Variants in KCNH1 observed in about 807,000 individuals in gnomAD.
The protein encoded by KCNH1 is voltage-gated delayed rectifier potassium channel KCNH1.
Under a neutral mutation model 69.2 loss-of-function variants are expected in KCNH1, and 27 were observed. The observed-to-expected ratio is 0.39, with a 90% CI of 0.29 to 0.54. The LOEUF (loss-of-function observed/expected upper bound fraction) is 0.54. Ranked by LOEUF, KCNH1 falls within the 20% of genes least tolerant of loss-of-function variation. The pLI is 0.68. For synonymous variants in KCNH1, 456 were observed against 487.7 expected (o/e 0.93, Z 0.86); for missense variants, 798 against 1,261.6 (o/e 0.63, Z 5.57).
intron 5 of KCNH1, among the ~76,000 whole-genome samples, chr1:211,059,648 C>A (rs1383714361): frequency 6.6e-6 from 1 of 151,870 alleles, no homozygotes; most frequent in Non-Finnish European, 1.5e-5. Context: ...GAGGCTGAGG[C>A]AGGAGAATGG....
At chr1:210,717,259 C>T (rs1682280330) in intron 10 of KCNH1, among the ~76,000 whole-genome samples, 1 of 152,168 alleles carries the variant, frequency 6.6e-6, no homozygotes, top group Non-Finnish European at 1.5e-5. Flanking sequence ...GGGCTGAAAG[C>T]ATATAACTGA....
chr1:211,002,168 G>A (rs762834307), intron 6 of KCNH1, among the ~76,000 whole-genome samples: 14 of 151,698 alleles, frequency 9.2e-5, no homozygotes, highest in African/African-American at 1.9e-4. Flanking sequence ...TGCACGTTGC[G>A]CACATGTACC....
intron 1 of KCNH1, among the ~76,000 whole-genome samples, chr1:211,109,058 T>G (rs1341100682): frequency 6.6e-6 from 1 of 152,254 alleles, no homozygotes; most frequent in African/African-American, 2.4e-5. Context: ...GAACTTGCTC[T>G]AGTCTAAAAG....
At chr1:210,832,604 G>C (rs115374684) in intron 7 of KCNH1, among the ~76,000 whole-genome samples, 5 of 151,778 alleles carry the variant, frequency 3.3e-5, no homozygotes, top group African/African-American at 9.7e-5. Flanking sequence ...GATAACAAAA[G>C]GTAACCTCAA....
chr1:210,796,032 G>A (rs12122869), intron 9 of KCNH1, among the ~76,000 whole-genome samples: 25,413 of 150,820 alleles, frequency 0.17, 2,264 homozygotes, highest in African/African-American at 0.22. Context: ...GTGGGTGCAT[G>A]TAGTCCCAGC....
chr1:210,828,015 G>A (rs11585285), intron 7 of KCNH1, among the ~76,000 whole-genome samples: 1 of 152,020 alleles, frequency 6.6e-6, no homozygotes, highest in African/African-American at 2.4e-5. Context: ...GCTAATTTTT[G>A]TATTTTTATT....
intron 10 of KCNH1, among the ~76,000 whole-genome samples, chr1:210,709,313 G>A (rs962742111): frequency 6.6e-6 from 1 of 152,212 alleles, no homozygotes; most frequent in African/African-American, 2.4e-5. Context: ...GATGAAGGCA[G>A]AGATTGGGGT....
chr1:210,733,411 A>G (rs1558445688), intron 10 of KCNH1, among the ~76,000 whole-genome samples: 1 of 152,162 alleles, frequency 6.6e-6, no homozygotes, highest in Non-Finnish European at 1.5e-5. Flanking sequence ...TAGGAATTCT[A>G]AGCCCCCAGG....
In KCNH1 at chr1:210,810,874, G is replaced by T. The variant is rs567446044; in HGVS notation, c.1463-6708C>A. Among the ~76,000 whole-genome samples the T allele has an allele frequency of 6.2e-4, 94 of 152,136 alleles. 1 individual carries two copies. The highest frequency in any genetic ancestry group is 2.1e-3 in the African/African-American group (86 of 41,506). ...GATATCCACTCGTATTTAAGAGTGG[G>T]GCCCTAGAAAACTGATTAAAAGCTT... On this transcript the variant is annotated intron_variant, in intron 7 of 10. Transcript: ENST00000271751.
At chr1:210,698,517 A>G (rs1681696225) in intron 10 of KCNH1, among the ~76,000 whole-genome samples, 1 of 152,254 alleles carries the variant, frequency 6.6e-6, no homozygotes, top group South Asian at 2.1e-4. Context: ...GGAAGGTAAC[A>G]TGAAATAAGA....
rs559063529 is a variant in KCNH1, at chr1:210,788,179, C to T, written c.1915+9329G>A. 3.3e-5 allele frequency among the ~76,000 whole-genome samples: 5 copies of T among 152,268 alleles called. No individual in the cohort carries two copies. In the South Asian group the frequency reaches 6.2e-4, roughly 19 times the overall value. ...AATATAAGTGCGTTAGAGAAAATAA[C>T]TGAAATATGTTGAAAAATGGACAAT... On this transcript the variant is annotated intron_variant, in intron 9 of 10. Coordinates refer to ENST00000271751, the MANE Select transcript of KCNH1 (RefSeq NM_172362.3).
chr1:210,790,053 C>T (rs1157738344), intron 9 of KCNH1, among the ~76,000 whole-genome samples: 1 of 152,212 alleles, frequency 6.6e-6, no homozygotes, highest in Non-Finnish European at 1.5e-5. Context: ...TCCTGAGTAG[C>T]TGGGGCCATG....
intron 6 of KCNH1, among the ~76,000 whole-genome samples, chr1:210,927,543 C>T (rs115237807): frequency 0.079 from 12,010 of 152,172 alleles, 672 homozygotes; most frequent in South Asian, 0.18. Context: ...GCCATCACTA[C>T]AAGAACTGCT....
intron 7 of KCNH1, among the ~76,000 whole-genome samples, chr1:210,827,861 T>C (rs1685065888): frequency 6.6e-6 from 1 of 152,190 alleles, no homozygotes; most frequent in Non-Finnish European, 1.5e-5. Flanking sequence ...GTTTGTTTTT[T>C]GGAGACAAAG....
chr1:211,049,827 G>A (rs1690163464), intron 5 of KCNH1, among the ~76,000 whole-genome samples: 1 of 152,100 alleles, frequency 6.6e-6, no homozygotes, highest in African/African-American at 2.4e-5. Flanking sequence ...ATCCACTATG[G>A]CCAGAATGGG....
intron 6 of KCNH1, among the ~76,000 whole-genome samples, chr1:210,989,619 T>C (rs1039731556): frequency 3.3e-5 from 5 of 152,138 alleles, no homozygotes; most frequent in Non-Finnish European, 7.4e-5. Flanking sequence ...GGAACAGAAA[T>C]GAGAAAAAGC....
rs554652712 is a variant in KCNH1 at position 210,888,345 on chromosome 1, G to C, written c.1462+31295C>G. On this transcript the variant is annotated intron_variant, in intron 7 of 10. Transcript: ENST00000271751. ...ACAAAATTAAGGCAGAAATAAATAA[G>C]TTCCTTGAAACCAATGAGAACAAAG... is the stretch of plus-strand genomic sequence containing the variant. 6.6e-5 allele frequency among the ~76,000 whole-genome samples: 10 copies of C among 152,196 alleles called. No individual in the cohort carries two copies. In the South Asian group the frequency reaches 1.2e-3, roughly 19 times the overall value.
At chr1:211,080,434 C>A (rs1019938204) in intron 5 of KCNH1, among the ~76,000 whole-genome samples, 4 of 152,280 alleles carry the variant, frequency 2.6e-5, no homozygotes, top group Non-Finnish European at 4.4e-5. Flanking sequence ...CATCAAGCTA[C>A]CAATGACTTT....
chr1:210,971,008 G>A (rs939858156), intron 6 of KCNH1, among the ~76,000 whole-genome samples: 4 of 152,154 alleles, frequency 2.6e-5, no homozygotes, highest in African/African-American at 9.7e-5. Flanking sequence ...CTTCTCAAAA[G>A]AAGACATTTA....
Sources: allele counts gnomAD v4.1 joint callset (sites outside exome capture counted in the v4.1 genomes callset), GRCh38; gene constraint gnomAD v4.1.1; transcripts MANE v1.5; gene names NCBI Gene and HGNC (gene_info 2026-07-23, HGNC 2026-07-21).